DOCK2: variants seen among roughly 807,000 people sequenced by gnomAD.
DOCK2 encodes the protein dedicator of cytokinesis 2, also known as dedicator of cytokinesis protein 2.
DOCK2 carries 87 observed loss-of-function variants against 248.9 expected under a neutral mutation model. The observed-to-expected ratio is 0.35, with a 90% CI of 0.29 to 0.42. The LOEUF (loss-of-function observed/expected upper bound fraction) is 0.42, where lower values mean the gene tolerates loss of function less well. Among genes scored for constraint, DOCK2 ranks in the 10% least tolerant of loss-of-function variants. The probability of loss-of-function intolerance (pLI) is 1.00; values close to 1 mark genes in which losing one functional copy is unlikely to be tolerated. For synonymous variants in DOCK2, 805 were observed against 821.6 expected, an observed-to-expected ratio of 0.98 and a Z score of 0.35; for missense variants, 1,747 against 2,300.2, an observed-to-expected ratio of 0.76 and a Z score of 4.92.
At position 170,050,227 on chromosome 5, in the gene DOCK2, AATCTCTAATGAGC is replaced by A. The variant is rs773418112; in HGVS notation, c.4072-25_4072-13del. The A allele has an allele frequency of 1.2e-6, 2 of 1,610,274 alleles. No homozygotes were observed. Among genetic ancestry groups the A allele is most frequent in the African/African-American group, 2.7e-5 (2 of 74,836 alleles). On this transcript the variant is annotated splice_polypyrimidine_tract_variant and intron_variant, in intron 40 of 51. Transcript: ENST00000520908. ...CCCTTTCTTCACACCTGGGTCCCCA[AATCTCTAATGAGC>A]ATCCTTTCTCTGCAGAACAAAGTGT...
intron 5 of DOCK2, among the ~76,000 whole-genome samples, chr5:169,673,475 A>G (rs182572364): frequency 2.6e-4 from 40 of 152,170 alleles, no homozygotes; most frequent in Non-Finnish European, 4.7e-4. Flanking sequence ...ACACAATTAG[A>G]AGAACATTAT....
At chr5:169,908,406 C>T (rs1172360452) in intron 27 of DOCK2, among the ~76,000 whole-genome samples, 2 of 152,178 alleles carry the variant, frequency 1.3e-5, no homozygotes, top group East Asian at 1.9e-4. Context: ...ATGCTTTCCC[C>T]TGCTCCATGT....
At chr5:170,025,979 CT>C (rs1755901363) in intron 33 of DOCK2, among the ~76,000 whole-genome samples, 1 of 152,028 alleles carries the variant, frequency 6.6e-6, no homozygotes, top group Non-Finnish European at 1.5e-5. Context: ...GAATGCCTTC[CT>C]TTTCACATTT....
intron 29 of DOCK2, among the ~76,000 whole-genome samples, chr5:169,989,695 T>A (rs769054611): frequency 1.3e-5 from 2 of 152,214 alleles, no homozygotes; most frequent in Non-Finnish European, 2.9e-5. Flanking sequence ...CTGAGCAAGA[T>A]CCTTCACCAC....
chr5:170,053,104 G>A (rs907473521), intron 41 of DOCK2, among the ~76,000 whole-genome samples: 12 of 152,220 alleles, frequency 7.9e-5, no homozygotes, highest in African/African-American at 2.9e-4. Context: ...TGGGGCCCCA[G>A]TTCCGCGCAT....
chr5:169,645,694 C>A (rs1419471109), intron 1 of DOCK2, among the ~76,000 whole-genome samples: 1 of 152,074 alleles, frequency 6.6e-6, no homozygotes, highest in African/African-American at 2.4e-5. Flanking sequence ...AGTCTTTGCC[C>A]ATGCATATGT....
intron 27 of DOCK2, among the ~76,000 whole-genome samples, chr5:169,853,711 A>C (rs2113380165): frequency 6.7e-6 from 1 of 148,748 alleles, no homozygotes; most frequent in Admixed American, 6.8e-5. Flanking sequence ...ACATTGTGTT[A>C]GCATCTTCTG....
chr5:169,869,602 A>G (rs1268986078), intron 27 of DOCK2, among the ~76,000 whole-genome samples: 1 of 152,112 alleles, frequency 6.6e-6, no homozygotes, highest in Admixed American at 6.5e-5. Context: ...TCTGCTTTTT[A>G]TCTTGAGGCT....
intron 43 of DOCK2, chr5:170,057,273 C>T: frequency 2.3e-6 from 1 of 428,644 alleles, no homozygotes; most frequent in Non-Finnish European, 4.3e-6. Flanking sequence ...GTCTAATGAA[C>T]ACTGGGAACC....
chr5:169,953,494 G>A (rs924188207), intron 27 of DOCK2, among the ~76,000 whole-genome samples: 8 of 152,124 alleles, frequency 5.3e-5, no homozygotes, highest in South Asian at 4.1e-4. Flanking sequence ...GGAGGTCTTG[G>A]GGATTGAATG....
chr5:169,865,025 A>C (rs1187585993), intron 27 of DOCK2, among the ~76,000 whole-genome samples: 3 of 152,192 alleles, frequency 2.0e-5, no homozygotes, highest in South Asian at 2.1e-4. Flanking sequence ...CATTAACATA[A>C]TTTCTACCAA....
chr5:170,081,784 C>A lies in DOCK2; in HGVS notation c.5288-58C>A. 4 of 1,509,370 alleles carry A rather than the reference C, an allele frequency of 2.7e-6. No homozygotes were observed. The South Asian group carries it at 5.1e-5, about 19-fold the overall frequency. 93.5% of individuals were successfully genotyped at this position (1,509,370 alleles called of 1,614,324 possible). On this transcript the variant is annotated intron_variant, in intron 50 of 51. Transcript: ENST00000520908. The stretch of plus-strand genomic sequence containing the variant: ...CAGCCCTCCCCCTGTCTACCTCCCC[C>A]AAGGCACTGCCCCTCCTCTACCCAC...
At position 170,056,626 on chromosome 5, in the gene DOCK2, T is replaced by G. The variant is rs188806164; in HGVS notation, c.4296-58T>G. 2.3e-3 allele frequency: 3,339 copies of G among 1,448,378 alleles called. 19 individuals are homozygous for G. Among genetic ancestry groups the G allele is most frequent in the Middle Eastern group, 3.1e-3 (17 of 5,564 alleles). The allele number at this position is 1,448,378 out of a possible 1,614,324, so 89.7% of individuals were successfully genotyped here. A position where few individuals can be genotyped will look rare whatever the true frequency, so the allele number is the denominator to read the frequency against. On this transcript the variant is annotated intron_variant, in intron 42 of 51. Coordinates refer to ENST00000520908, the MANE Select transcript of DOCK2 (RefSeq NM_004946.3). ...CCTCCCTGGACAGTGCAGGGTCAGA[T>G]CGGGTGTCAGCAGCCGGGGATGGCT...
intron 33 of DOCK2, among the ~76,000 whole-genome samples, chr5:170,022,401 C>T (rs985817383): frequency 5.9e-5 from 9 of 152,152 alleles, no homozygotes; most frequent in African/African-American, 2.2e-4. Flanking sequence ...TTTATAAGCT[C>T]TGTGCCAGAT....
chr5:169,769,656 G>A (rs1764977636), intron 25 of DOCK2, among the ~76,000 whole-genome samples: 1 of 152,190 alleles, frequency 6.6e-6, no homozygotes, highest in Non-Finnish European at 1.5e-5. Context: ...TGAATATCTG[G>A]GGAGGAGGCC....
intron 27 of DOCK2, among the ~76,000 whole-genome samples, chr5:169,953,609 A>C (rs1776753519): frequency 6.6e-6 from 1 of 152,182 alleles, no homozygotes; most frequent in South Asian, 2.1e-4. Flanking sequence ...AGAGTCAGCT[A>C]CAGAGGAGAC....
chr5:170,008,851 A>ACTGTT, intron 32 of DOCK2, 105 bp downstream of exon 32: 2 of 1,342,572 alleles, frequency 1.5e-6, no homozygotes, highest in Non-Finnish European at 2.1e-6. Flanking sequence ...GGGAGCATGA[A>ACTGTT]ATAACAGTTC....
chr5:170,025,828 C>T lies in DOCK2; in HGVS notation c.3382-2035C>T, dbSNP rs957906335. 1.1e-3 allele frequency among the ~76,000 whole-genome samples: 131 copies of T among 122,314 alleles called. 2 individuals are homozygous for T. In the East Asian group the frequency reaches 0.022, roughly 21 times the overall value. 80.2% of individuals were successfully genotyped at this position (122,314 alleles called of 152,430 possible). A position where few individuals can be genotyped will look rare whatever the true frequency, so the allele number is the denominator to read the frequency against. Reference sequence around the variant, plus strand: ...CCTTCCTTCCTTCCTTCCTTCCTTCCTTCCTTCCTTCCTTCCTTCTTTCCT... The same window carrying T: ...CCTTCCTTCCTTCCTTCCTTCCTTCTTTCCTTCCTTCCTTCCTTCTTTCCT... On this transcript the variant is annotated intron_variant, in intron 33 of 51. Transcript: ENST00000520908.
intron 20 of DOCK2, among the ~76,000 whole-genome samples, chr5:169,717,027 T>C (rs1281178113): frequency 1.3e-5 from 2 of 152,176 alleles, no homozygotes; most frequent in Non-Finnish European, 2.9e-5. Flanking sequence ...AATATATACT[T>C]TGATTAATTA....
Sources: allele counts gnomAD v4.1 joint callset (sites outside exome capture counted in the v4.1 genomes callset), GRCh38; gene constraint gnomAD v4.1.1; transcripts MANE v1.5; gene names NCBI Gene and HGNC (gene_info 2026-07-23, HGNC 2026-07-21).